Variants in KIAA1958 observed in about 807,000 individuals in gnomAD.
KIAA1958 encodes the protein uncharacterized protein KIAA1958.
Under a neutral mutation model 47.2 loss-of-function variants are expected in KIAA1958, and 14 were observed. The ratio of observed to expected loss-of-function variants is 0.30; its 90% CI spans 0.20 to 0.46. The LOEUF (loss-of-function observed/expected upper bound fraction) is 0.46, where lower values mean the gene tolerates loss of function less well. Among genes scored for constraint, KIAA1958 ranks in the 20% least tolerant of loss-of-function variants. KIAA1958 has a pLI of 1.00. For missense variants in KIAA1958, 803 were observed against 909.2 expected, an observed-to-expected ratio of 0.88 and a Z score of 1.50; for synonymous variants, 354 against 353.3, an observed-to-expected ratio of 1.00 and a Z score of -0.02.
At chr9:112,608,816 A>G (rs903084365) in intron 2 of KIAA1958, among the ~76,000 whole-genome samples, 1 of 152,114 alleles carries the variant, frequency 6.6e-6, no homozygotes, top group Non-Finnish European at 1.5e-5. Context: ...AGGCAGGAAG[A>G]TTGCTTGAGC....
chr9:112,533,580 C>CAAAAAAAA (rs57032014), intron 1 of KIAA1958, among the ~76,000 whole-genome samples: 4 of 125,420 alleles, frequency 3.2e-5, no homozygotes, highest in East Asian at 4.6e-4. Context: ...GACTCCATCC[C>CAAAAAAAA]AAAAAAAAAA....
At chr9:112,560,070 ATT>A (rs921090945) in intron 1 of KIAA1958, among the ~76,000 whole-genome samples, 2 of 145,680 alleles carry the variant, frequency 1.4e-5, no homozygotes, top group African/African-American at 2.5e-5. Context: ...AGCTGCACTG[ATT>A]TTTTTTTTTT....
chr9:112,530,721 A>T (rs528108867), intron 1 of KIAA1958, among the ~76,000 whole-genome samples: 1 of 152,222 alleles, frequency 6.6e-6, no homozygotes, highest in Non-Finnish European at 1.5e-5. Context: ...TTTCAGAGAC[A>T]TTTATGGTTG....
chr9:112,521,973 A>ATTTATTTG (rs1834552530), intron 1 of KIAA1958, among the ~76,000 whole-genome samples: 1 of 151,052 alleles, frequency 6.6e-6, no homozygotes, highest in South Asian at 2.1e-4. Context: ...TTATTTATTT[A>ATTTATTTG]TTTATTTATT....
intron 2 of KIAA1958, among the ~76,000 whole-genome samples, chr9:112,575,625 T>G (rs942033445): frequency 1.3e-5 from 2 of 152,138 alleles, no homozygotes; most frequent in African/African-American, 2.4e-5. Context: ...GCCAAAATAA[T>G]GTTGGGTAAG....
chr9:112,594,496 A>G (rs1835982398), intron 2 of KIAA1958, among the ~76,000 whole-genome samples: 1 of 152,206 alleles, frequency 6.6e-6, no homozygotes, highest in African/African-American at 2.4e-5. Flanking sequence ...CAATAGGTGT[A>G]CAATGTGGTT....
intron 1 of KIAA1958, among the ~76,000 whole-genome samples, chr9:112,511,126 T>C (rs1025910993): frequency 5.3e-5 from 8 of 152,066 alleles, no homozygotes; most frequent in African/African-American, 1.9e-4. Context: ...GCAAAAGGAA[T>C]TGGAGATTTG....
chr9:112,628,905 A>G (rs1018903978), intron 2 of KIAA1958, among the ~76,000 whole-genome samples: 1 of 152,288 alleles, frequency 6.6e-6, no homozygotes, highest in East Asian at 1.9e-4. Flanking sequence ...TGTACCTTTT[A>G]TGTTGTAGCC....
rs904692316 is a variant in KIAA1958, at chr9:112,667,200, C to G, written c.*7131C>G. On this transcript the variant is annotated 3_prime_UTR_variant, in exon 4 of 4. Transcript: ENST00000337530. Reference sequence around the variant, plus strand: ...GGATTTAACTGAAAAAGGGATTCAACAAACATTCACATGAACAGGGTCTGG... The same window carrying G: ...GGATTTAACTGAAAAAGGGATTCAAGAAACATTCACATGAACAGGGTCTGG... 1 of 152,138 alleles carries G rather than the reference C, an allele frequency of 6.6e-6. No individual in the cohort carries two copies. Among genetic ancestry groups the G allele is most frequent in the African/African-American group, 2.4e-5 (1 of 41,410 alleles). The allele number at this position is 152,138 out of a possible 1,614,324, so 9.4% of individuals were successfully genotyped here. A position where few individuals can be genotyped will look rare whatever the true frequency, so the allele number is the denominator to read the frequency against.
intron 2 of KIAA1958, among the ~76,000 whole-genome samples, chr9:112,627,450 T>C (rs1836636398): frequency 6.6e-6 from 1 of 152,154 alleles, no homozygotes; most frequent in African/African-American, 2.4e-5. Flanking sequence ...ATTGTTTGAA[T>C]TTCATTTAAT....
chr9:112,592,092 A>T (rs1299976364), intron 2 of KIAA1958, among the ~76,000 whole-genome samples: 1 of 152,216 alleles, frequency 6.6e-6, no homozygotes, highest in African/African-American at 2.4e-5. Context: ...GGTAGGAGTC[A>T]GGGCAGAGCA....
At chr9:112,593,886 G>A (rs1835969552) in intron 2 of KIAA1958, among the ~76,000 whole-genome samples, 2 of 141,028 alleles carry the variant, frequency 1.4e-5, no homozygotes, top group South Asian at 4.5e-4. Context: ...TTTTTAGACA[G>A]CAGAGTCTTG....
chr9:112,540,307 G>A (rs951354465), intron 1 of KIAA1958, among the ~76,000 whole-genome samples: 13 of 152,176 alleles, frequency 8.5e-5, no homozygotes, highest in South Asian at 2.1e-4. Flanking sequence ...ATGATGTGTC[G>A]TATCTCTAAT....
intron 1 of KIAA1958, among the ~76,000 whole-genome samples, chr9:112,503,723 G>T (rs998032193): frequency 6.6e-6 from 1 of 151,722 alleles, no homozygotes; most frequent in Admixed American, 6.6e-5. Context: ...TGGTGGTAGT[G>T]GGTAGGGTAG....
At chr9:112,493,928 C>T (rs2132757197) in intron 1 of KIAA1958, among the ~76,000 whole-genome samples, 1 of 152,300 alleles carries the variant, frequency 6.6e-6, no homozygotes, top group South Asian at 2.1e-4. Context: ...TGGTTTCCCT[C>T]ACAATTACTT....
At chr9:112,580,206 G>A (rs976843660) in intron 2 of KIAA1958, among the ~76,000 whole-genome samples, 1 of 152,108 alleles carries the variant, frequency 6.6e-6, no homozygotes, top group South Asian at 2.1e-4. Flanking sequence ...GAACATTCTA[G>A]GTATGATTCT....
intron 2 of KIAA1958, among the ~76,000 whole-genome samples, chr9:112,610,547 T>C (rs1225116515): frequency 2.0e-5 from 3 of 152,226 alleles, no homozygotes; most frequent in East Asian, 3.9e-4. Flanking sequence ...GAAATTATCA[T>C]AAGACATTAC....
intron 1 of KIAA1958, among the ~76,000 whole-genome samples, chr9:112,511,311 A>G (rs1273726412): frequency 6.6e-6 from 1 of 152,192 alleles, no homozygotes. Context: ...GACAGTCTGT[A>G]TTTTAACAAG....
chr9:112,598,207 G>A (rs570838764), intron 2 of KIAA1958, among the ~76,000 whole-genome samples: 2 of 152,118 alleles, frequency 1.3e-5, no homozygotes, highest in Admixed American at 6.6e-5. Flanking sequence ...GGGCCAGCTC[G>A]TGCAAATGCT....
Sources: allele counts gnomAD v4.1 joint callset (sites outside exome capture counted in the v4.1 genomes callset), GRCh38; gene constraint gnomAD v4.1.1; transcripts MANE v1.5; gene names NCBI Gene and HGNC (gene_info 2026-07-23, HGNC 2026-07-21).